DDX19B: variants seen among roughly 807,000 people sequenced by gnomAD.
The protein encoded by DDX19B is DEAD-box helicase 19B.
A neutral mutation model predicts 58.1 loss-of-function variants in DDX19B; 27 were observed. The observed-to-expected ratio is 0.46, with a 90% confidence interval of 0.34 to 0.64. The LOEUF (loss-of-function observed/expected upper bound fraction) is 0.64, where lower values mean the gene tolerates loss of function less well. DDX19B is among the 30% of genes least tolerant of loss of function. The pLI, the probability that DDX19B is intolerant of heterozygous loss-of-function variation, is 0.01. For missense variants in DDX19B, 399 were observed against 596.5 expected (o/e 0.67, Z 3.45); for synonymous variants, 187 against 214.4 (o/e 0.87, Z 1.12).
chr16:70,327,358 C>T (rs952500238), intron 7 of DDX19B, among the ~76,000 whole-genome samples: 5 of 151,760 alleles, frequency 3.3e-5, no homozygotes, highest in African/African-American at 1.2e-4. Flanking sequence ...CATGGTGAAA[C>T]CCCATCTCTA....
upstream of DDX19B, among the ~76,000 whole-genome samples, chr16:70,297,368 A>G (rs1237188334): frequency 1.3e-5 from 2 of 151,918 alleles, no homozygotes; most frequent in African/African-American, 2.4e-5. Context: ...GTGCACCACC[A>G]TGCTTGGCTA....
intron 8 of DDX19B, 80 bp from the exon 9 acceptor site, chr16:70,329,751 G>A: frequency 6.3e-7 from 1 of 1,580,474 alleles, no homozygotes; most frequent in Non-Finnish European, 8.6e-7. Flanking sequence ...TGGGCATCTA[G>A]ACCCTCCCAG....
upstream of DDX19B, among the ~76,000 whole-genome samples, chr16:70,291,034 AAAG>A (rs372408506): frequency 7.2e-5 from 11 of 152,360 alleles, no homozygotes; most frequent in South Asian, 2.1e-4. Context: ...TCCTACACAA[AAAG>A]AAGGTCAAGC....
At chr16:70,315,765 AG>A in intron 3 of DDX19B, 1 of 609,148 alleles carries the variant, frequency 1.6e-6, no homozygotes, top group African/African-American at 1.8e-5. Context: ...AGTCTGGAAA[AG>A]AATATGAGGC....
At chr16:70,313,146 G>C (rs1314900085) in intron 2 of DDX19B, among the ~76,000 whole-genome samples, 1 of 149,900 alleles carries the variant, frequency 6.7e-6, no homozygotes, top group African/African-American at 2.4e-5. Context: ...AGCCTCCCGG[G>C]TAGCTGGGAC....
intron 1 of DDX19B, among the ~76,000 whole-genome samples, chr16:70,305,616 C>T (rs187581451): frequency 6.6e-6 from 1 of 152,074 alleles, no homozygotes; most frequent in African/African-American, 2.4e-5. Context: ...CTTGTGTGTG[C>T]TGGCTTCATA....
chr16:70,293,301 C>T (rs1211477060), upstream of DDX19B, among the ~76,000 whole-genome samples: 1 of 150,668 alleles, frequency 6.6e-6, no homozygotes, highest in African/African-American at 2.4e-5. Context: ...ATCTGTAGTC[C>T]CAGCTATTCA....
intron 1 of DDX19B, among the ~76,000 whole-genome samples, chr16:70,301,662 A>G (rs1479756670): frequency 1.4e-5 from 2 of 146,942 alleles, no homozygotes; most frequent in Non-Finnish European, 3.0e-5. Flanking sequence ...CCTCTTTTCC[A>G]GAACTCACTT....
chr16:70,298,466 A>G (rs1336520240), upstream of DDX19B, among the ~76,000 whole-genome samples: 2 of 151,406 alleles, frequency 1.3e-5, no homozygotes, highest in Admixed American at 1.3e-4. Context: ...ACCTAGCTCT[A>G]TTTAATTATT....
At chr16:70,323,818 GT>G (rs893823597) in intron 5 of DDX19B, among the ~76,000 whole-genome samples, 25 of 151,926 alleles carry the variant, frequency 1.6e-4, no homozygotes, top group Middle Eastern at 3.4e-3. Flanking sequence ...CCTACATCTT[GT>G]TTTTTTTAGG....
chr16:70,326,274 A>G (rs1314719897), intron 7 of DDX19B, among the ~76,000 whole-genome samples: 1 of 152,160 alleles, frequency 6.6e-6, no homozygotes, highest in African/African-American at 2.4e-5. Flanking sequence ...CAGGAGATTG[A>G]GACCATCCTA....
upstream of DDX19B, chr16:70,290,047 G>C (rs1961018563): frequency 3.6e-6 from 1 of 279,694 alleles, no homozygotes; most frequent in South Asian, 3.0e-5. Flanking sequence ...ATTTGCCTTT[G>C]GAAAAAAAAA....
intron 5 of DDX19B, 48 bp downstream of exon 5, chr16:70,317,636 G>T (rs569839144): frequency 6.5e-7 from 1 of 1,539,654 alleles, no homozygotes; most frequent in Admixed American, 1.7e-5. Context: ...TTCTATTTTT[G>T]AAAACTATTA....
At chr16:70,330,916 A>C (rs910276190) in intron 9 of DDX19B, among the ~76,000 whole-genome samples, 2 of 151,780 alleles carry the variant, frequency 1.3e-5, no homozygotes, top group East Asian at 3.9e-4. Flanking sequence ...GTGGTGGTGC[A>C]TGCCTGTGGT....
In DDX19B at chr16:70,299,343, G is replaced by A. The variant is rs768599290; in HGVS notation, c.46G>A (p.Ala16Thr). ...WALAVDEQEAAAESLSNLHLK... is the reference protein window; with the variant it reads ...WALAVDEQEATAESLSNLHLK... ...CCTGGCGGTGGACGAGCAGGAAGCT[G>A]CGGCTGAGTCGGTGAGTTGGCTTCA... The change falls in exon 1 of 12, where the codon GCG becomes ACG. Residue 16 changes from alanine (A) to threonine (T), a missense_variant. Physicochemically the swap from Ala to Thr is moderately conservative, Grantham distance 58. This residue lies in a region of DDX19B where 132 missense variants were observed against 159.4 expected (regional missense o/e 0.83). Transcript: ENST00000288071. 3 of 1,609,026 alleles carry A rather than the reference G, an allele frequency of 1.9e-6. No homozygotes were observed. The highest frequency in any genetic ancestry group is 2.2e-5 in the East Asian group (1 of 44,622).
chr16:70,291,352 C>T (rs1028620544), upstream of DDX19B, among the ~76,000 whole-genome samples: 2 of 152,158 alleles, frequency 1.3e-5, no homozygotes, highest in African/African-American at 4.8e-5. Flanking sequence ...GGAAATGAGT[C>T]AGACTTCTAA....
At chr16:70,321,346 C>G (rs1320707630) in intron 5 of DDX19B, among the ~76,000 whole-genome samples, 1 of 152,200 alleles carries the variant, frequency 6.6e-6, no homozygotes. Flanking sequence ...TCTTGAACTC[C>G]TACGCTCAAG....
At chr16:70,294,941 C>A, upstream of DDX19B, 1 of 1,489,766 alleles carries the variant, frequency 6.7e-7, no homozygotes. Flanking sequence ...AGGGTAGAAG[C>A]CAGACCCTTT....
upstream of DDX19B, chr16:70,298,987 T>G (rs1234691402): frequency 1.2e-5 from 5 of 434,502 alleles, no homozygotes; most frequent in Non-Finnish European, 1.9e-5. Flanking sequence ...GGAATCTGAT[T>G]TTGTTCTTTG....
Sources: gnomAD v4.1 joint callset for allele counts (sites outside exome capture counted in the v4.1 genomes callset) on GRCh38, gnomAD v4.1.1 for gene constraint, gnomAD v4.1.1 regional missense constraint, MANE v1.5 for transcripts, NCBI Gene and HGNC (gene_info 2026-07-23, HGNC 2026-07-21) for gene names.